The following GALNT13 variants were observed in gnomAD, a reference collection of about 807,000 sequenced individuals.
GALNT13 encodes the protein polypeptide N-acetylgalactosaminyltransferase 13, also known as UDP-GalNAc:polypeptide N-acetylgalactosaminyltransferase 13.
In GALNT13, 28 loss-of-function variants were observed where a neutral mutation model predicts 64.2. The ratio of observed to expected loss-of-function variants is 0.44; its 90% CI spans 0.32 to 0.60. The LOEUF (loss-of-function observed/expected upper bound fraction) is 0.60, where lower values mean the gene tolerates loss of function less well. Among genes scored for constraint, GALNT13 ranks in the 20% least tolerant of loss-of-function variants. GALNT13 has a pLI of 0.05. For missense variants in GALNT13, 577 were observed against 669.8 expected (o/e 0.86, Z 1.53); for synonymous variants, 214 against 224.6 (o/e 0.95, Z 0.42).
At chr2:154,338,731 C>T (rs1695593281) in intron 9 of GALNT13, among the ~76,000 whole-genome samples, 1 of 152,028 alleles carries the variant, frequency 6.6e-6, no homozygotes, top group African/African-American at 2.4e-5. Flanking sequence ...TGTCTGGTAC[C>T]AGGGCCTGGG....
chr2:154,303,291 A>G (rs1001509462), intron 9 of GALNT13, among the ~76,000 whole-genome samples: 2 of 152,006 alleles, frequency 1.3e-5, no homozygotes, highest in African/African-American at 4.8e-5. Context: ...GGGCTGATTT[A>G]CTGGGGCCCA....
chr2:153,698,610 C>T, the GALNT13 span, among the ~76,000 whole-genome samples: 71 of 152,258 alleles, frequency 4.7e-4, 1 homozygote, highest in Admixed American at 4.6e-3. Flanking sequence ...TACAGACCTA[C>T]AAAGAGACTT....
At chr2:153,726,923 G>C in the GALNT13 span, among the ~76,000 whole-genome samples, 1 of 137,268 alleles carries the variant, frequency 7.3e-6, no homozygotes, top group Non-Finnish European at 1.5e-5. Context: ...CTGGACAACA[G>C]AGCGAGACTC....
At chr2:153,462,803 G>A in the GALNT13 span, among the ~76,000 whole-genome samples, 10 of 152,106 alleles carry the variant, frequency 6.6e-5, no homozygotes, top group Admixed American at 2.0e-4. Context: ...ATATGAAAGC[G>A]ATGGAGAATC....
the GALNT13 span, among the ~76,000 whole-genome samples, chr2:153,756,671 C>A: frequency 6.6e-6 from 1 of 151,658 alleles, no homozygotes; most frequent in Non-Finnish European, 1.5e-5. Flanking sequence ...TTTTGTTTTT[C>A]AACATCCTTT....
chr2:153,178,732 CTTTTTTTT>C, the GALNT13 span, among the ~76,000 whole-genome samples: 1 of 98,400 alleles, frequency 1.0e-5, no homozygotes, highest in Non-Finnish European at 2.0e-5. Context: ...TTCTCTTCTT[CTTTTTTTT>C]TTTTTTTTTT....
chr2:153,559,416 C>G, the GALNT13 span, among the ~76,000 whole-genome samples: 1 of 152,120 alleles, frequency 6.6e-6, no homozygotes, highest in African/African-American at 2.4e-5. Flanking sequence ...AGTACCCTGG[C>G]TTTGGCTTAT....
At chr2:153,270,220 A>G in the GALNT13 span, among the ~76,000 whole-genome samples, 1 of 152,100 alleles carries the variant, frequency 6.6e-6, no homozygotes, top group African/African-American at 2.4e-5. Context: ...CCAACATGCA[A>G]TACACTTTCT....
the GALNT13 span, among the ~76,000 whole-genome samples, chr2:153,403,786 C>T: frequency 6.6e-6 from 1 of 152,170 alleles, no homozygotes; most frequent in Non-Finnish European, 1.5e-5. Flanking sequence ...CCTGCTTCGG[C>T]TCGTGCACGG....
chr2:153,828,792 C>A, the GALNT13 span, among the ~76,000 whole-genome samples: 1 of 152,148 alleles, frequency 6.6e-6, no homozygotes, highest in Non-Finnish European at 1.5e-5. Context: ...ATTTTCAGGC[C>A]TCAAATTTTC....
intron 2 of GALNT13, among the ~76,000 whole-genome samples, chr2:153,902,078 T>C (rs1236121753): frequency 6.6e-6 from 1 of 152,168 alleles, no homozygotes; most frequent in African/African-American, 2.4e-5. Context: ...CTGGTGATCT[T>C]CAAATTCTTT....
chr2:153,426,181 C>A, the GALNT13 span, among the ~76,000 whole-genome samples: 2 of 151,652 alleles, frequency 1.3e-5, no homozygotes, highest in African/African-American at 4.8e-5. Flanking sequence ...GTCTTTGTTG[C>A]CATTAATCAG....
At chr2:154,434,417 AC>A (rs755180207) in intron 11 of GALNT13, among the ~76,000 whole-genome samples, 17 of 151,762 alleles carry the variant, frequency 1.1e-4, no homozygotes, top group Non-Finnish European at 2.2e-4. Context: ...CCACCACCAC[AC>A]CCTGCTAATT....
chr2:153,818,231 T>C, the GALNT13 span, among the ~76,000 whole-genome samples: 1 of 152,102 alleles, frequency 6.6e-6, no homozygotes, highest in African/African-American at 2.4e-5. Context: ...GGACTCCGGA[T>C]TGACAAAGAA....
the GALNT13 span, among the ~76,000 whole-genome samples, chr2:153,467,042 T>C: frequency 1.8e-3 from 269 of 152,088 alleles, no homozygotes; most frequent in Non-Finnish European, 2.3e-3. Flanking sequence ...GGCATGTTCA[T>C]TGATATCATG....
At chr2:153,747,835 T>A in the GALNT13 span, among the ~76,000 whole-genome samples, 2 of 152,166 alleles carry the variant, frequency 1.3e-5, no homozygotes, top group Non-Finnish European at 2.9e-5. Context: ...CCATTTATGT[T>A]GTTGCAAATG....
At chr2:154,446,337 T>A (rs2551114) in intron 12 of GALNT13, 290,593 of 292,972 alleles carry the variant, frequency 0.99, 144,164 homozygotes, top group East Asian at 1. Flanking sequence ...TTCATTATTT[T>A]ATCGTAAGCC....
the GALNT13 span, among the ~76,000 whole-genome samples, chr2:153,762,978 ATTTAAC>A: frequency 6.6e-6 from 1 of 151,878 alleles, no homozygotes; most frequent in East Asian, 2.0e-4. Flanking sequence ...GCTGATAACA[ATTTAAC>A]TTTGATTGCA....
At chr2:153,985,265 T>G (rs1184959966) in intron 3 of GALNT13, among the ~76,000 whole-genome samples, 2 of 151,986 alleles carry the variant, frequency 1.3e-5, no homozygotes, top group Non-Finnish European at 2.9e-5. Flanking sequence ...GACCCTTACA[T>G]CCTACTTAAC....
Sources: allele counts gnomAD v4.1 joint callset (sites outside exome capture counted in the v4.1 genomes callset), GRCh38; gene constraint gnomAD v4.1.1; transcripts MANE v1.5; gene names NCBI Gene and HGNC (gene_info 2026-07-23, HGNC 2026-07-21).